SLC9A5: variants seen among roughly 807,000 people sequenced by gnomAD.
The protein encoded by SLC9A5 is sodium/hydrogen exchanger 5.
In SLC9A5, 52 loss-of-function variants were observed where a neutral mutation model predicts 91.7. The ratio of observed to expected loss-of-function variants is 0.57; its 90% CI spans 0.45 to 0.71. The LOEUF (loss-of-function observed/expected upper bound fraction) is 0.71, where lower values mean the gene tolerates loss of function less well. Among genes scored for constraint, SLC9A5 ranks in the 30% least tolerant of loss-of-function variants. The probability of loss-of-function intolerance (pLI) is 0.00; values close to 1 mark genes in which losing one functional copy is unlikely to be tolerated. For synonymous variants in SLC9A5, 419 were observed against 474.5 expected (o/e 0.88, Z 1.52); for missense variants, 871 against 1,158.9 (o/e 0.75, Z 3.61).
At position 67,255,328 on chromosome 16, in the gene SLC9A5, C is replaced by A; in HGVS notation, c.655-65C>A. 1.3e-6 allele frequency: 2 copies of A among 1,546,560 alleles called. No individual in the cohort carries two copies. Among genetic ancestry groups the A allele is most frequent in the South Asian group, 1.1e-5 (1 of 87,592 alleles). Reference sequence around the variant, plus strand: ...GCTTTCACCCTGCTCTCCCAGCAGTCTGTCTCCCAGCAGTCCCAGTTGCTG... The same window carrying A: ...GCTTTCACCCTGCTCTCCCAGCAGTATGTCTCCCAGCAGTCCCAGTTGCTG... On this transcript the variant is annotated intron_variant, in intron 3 of 15. Coordinates refer to ENST00000299798, the MANE Select transcript of SLC9A5 (RefSeq NM_004594.3). This position sits in a 1 kb window ranked among gnomAD's most constrained non-coding sequence, Gnocchi z 4.9.
In SLC9A5 at chr16:67,255,704, G is replaced by C; in HGVS notation, c.734-49G>C. On this transcript the variant is annotated intron_variant, in intron 4 of 15. Coordinates refer to ENST00000299798, the MANE Select transcript of SLC9A5 (RefSeq NM_004594.3). This position sits in a 1 kb window ranked among gnomAD's most constrained non-coding sequence, Gnocchi z 4.9. ...TGCCAGGCAGCAGTCTTGTCAGCCC[G>C]GGTAGGGTCCGGGCCAGGGGTCATG... 1 of 1,518,410 alleles carries C rather than the reference G, an allele frequency of 6.6e-7. No individual in the cohort carries two copies. The highest frequency in any genetic ancestry group is 8.9e-7 in the Non-Finnish European group (1 of 1,128,322). 94.1% of individuals were successfully genotyped at this position (1,518,410 alleles called of 1,614,324 possible).
chr16:67,249,282 T>C, intron 1 of SLC9A5, 81 bp downstream of exon 1: 3 of 1,175,788 alleles, frequency 2.6e-6, no homozygotes, highest in Non-Finnish European at 3.3e-6. Context: ...GGTCCTCAGA[T>C]TGGGGCTGGC....
chr16:67,251,240 T>G (rs2035105718), intron 1 of SLC9A5, among the ~76,000 whole-genome samples: 1 of 152,054 alleles, frequency 6.6e-6, no homozygotes, highest in Admixed American at 6.6e-5. Context: ...CAGTCCTGAG[T>G]GAGCCCATAT....
chr16:67,259,690 C>T (rs2035455648), intron 11 of SLC9A5, 29 bp downstream of exon 11: 2 of 1,605,532 alleles, frequency 1.2e-6, no homozygotes, highest in Non-Finnish European at 1.7e-6. Flanking sequence ...TCCCCTTCCT[C>T]ATACTCCTCT....
chr16:67,265,023 T>C lies in SLC9A5; in HGVS notation c.2014-17T>C, dbSNP rs771108645. 1.2e-6 allele frequency: 2 copies of C among 1,614,098 alleles called. No individual in the cohort carries two copies. The highest frequency in any genetic ancestry group is 1.7e-6 in the Non-Finnish European group (2 of 1,179,950). Reference sequence around the variant, plus strand: ...AAGCCGGGGCCAGAGGCTCAGGTTTTCTTTCTTGGTCCTCAGAAGGATGGT... The same window carrying C: ...AAGCCGGGGCCAGAGGCTCAGGTTTCCTTTCTTGGTCCTCAGAAGGATGGT... On this transcript the variant is annotated splice_polypyrimidine_tract_variant and intron_variant, in intron 13 of 15. Coordinates refer to ENST00000299798, the MANE Select transcript of SLC9A5 (RefSeq NM_004594.3).
rs777947027 is a variant in SLC9A5, at chr16:67,255,471, G to A, written c.733G>A (p.Ala245Thr). Residue 245 changes from alanine to threonine, a missense_variant and splice_region_variant, in exon 4 of 16, where the codon GCC becomes ACC. Ala to Thr is a moderately conservative substitution (Grantham distance 58). Transcript: ENST00000299798. This position sits in a 1 kb window ranked among gnomAD's most constrained non-coding sequence, Gnocchi z 4.9. ...VQATDYLKGV[A>T]SLFVVSLGGA... ...GGCCACTGACTACCTGAAGGGAGTC[G>A]GTCAGTATTTCCCCGCTCCCAGCTG... 6.2e-6 allele frequency: 10 copies of A among 1,613,624 alleles called. No homozygotes were observed. In the South Asian group the frequency reaches 7.7e-5, roughly 12 times the overall value.
At chr16:67,264,228 A>G in intron 12 of SLC9A5, 124 bp from the exon 13 acceptor site, 1 of 771,704 alleles carries the variant, frequency 1.3e-6, no homozygotes, top group South Asian at 1.8e-5. Context: ...TTTTCAATCC[A>G]TTGTTAATTC....
At chr16:67,261,570 T>A (rs1323299907) in intron 12 of SLC9A5, 1 of 152,220 alleles carries the variant, frequency 6.6e-6, no homozygotes, top group Non-Finnish European at 1.5e-5. Flanking sequence ...TTACATCCAG[T>A]CAGTATTCAA....
Position 67,255,228 on chromosome 16 carries a change from A to C in SLC9A5, c.654+44A>C. 6.3e-7 allele frequency: 1 copy of C among 1,597,976 alleles called. No homozygotes were observed. The highest frequency in any genetic ancestry group is 8.5e-7 in the Non-Finnish European group (1 of 1,169,734). ...CTGCCATTCCCTGACCCCAGGCTGC[A>C]TGCTCTGACCAACTAGGGGTCTGCG... On this transcript the variant is annotated intron_variant, in intron 3 of 15. Transcript: ENST00000299798. The surrounding 1 kb of genome is among the most constrained non-coding windows in gnomAD (Gnocchi z 4.9).
At chr16:67,253,923 G>T (rs1281357435) in intron 2 of SLC9A5, among the ~76,000 whole-genome samples, 1 of 152,158 alleles carries the variant, frequency 6.6e-6, no homozygotes, top group East Asian at 1.9e-4. Flanking sequence ...GAAGGTTAAT[G>T]ATTCACACTT....
In SLC9A5 at chr16:67,256,324, A is replaced by G; in HGVS notation, c.912-145A>G. On this transcript the variant is annotated intron_variant, in intron 5 of 15. Transcript: ENST00000299798. This position sits in a 1 kb window ranked among gnomAD's most constrained non-coding sequence, Gnocchi z 4.1. ...GACTCTTAGCCCAGCACTACCATTC[A>G]AGTCTTCAGGCCTCCCTGGGCTTCA... The G allele has an allele frequency of 1.6e-6, 1 of 643,168 alleles. No homozygotes were observed. Among genetic ancestry groups the G allele is most frequent in the Non-Finnish European group, 2.8e-6 (1 of 362,882 alleles). The allele number at this position is 643,168 out of a possible 1,614,324, so 39.8% of individuals were successfully genotyped here.
In SLC9A5 at chr16:67,256,320, A is replaced by C. The variant is rs2035315974; in HGVS notation, c.912-149A>C. ...TCTGGACTCTTAGCCCAGCACTACC[A>C]TTCAAGTCTTCAGGCCTCCCTGGGC... On this transcript the variant is annotated intron_variant, in intron 5 of 15. Transcript: ENST00000299798. This position sits in a 1 kb window ranked among gnomAD's most constrained non-coding sequence, Gnocchi z 4.1. The C allele has an allele frequency of 1.2e-5, 8 of 640,786 alleles. No individual in the cohort carries two copies. In the South Asian group the frequency reaches 1.5e-4, roughly 12 times the overall value. The allele number at this position is 640,786 out of a possible 1,614,324, so 39.7% of individuals were successfully genotyped here. A position where few individuals can be genotyped will look rare whatever the true frequency, so the allele number is the denominator to read the frequency against.
chr16:67,264,602 A>G (rs1380808235), intron 13 of SLC9A5, 80 bp downstream of exon 13: 30 of 1,449,596 alleles, frequency 2.1e-5, no homozygotes, highest in Non-Finnish European at 2.8e-5. Context: ...GTTAGGATCC[A>G]GCTTAGGGGG....
Position 67,256,451 on chromosome 16 carries a change from CT to C in SLC9A5, c.912-17del. The stretch of plus-strand genomic sequence containing the variant: ...TGGAACCCTTCCCCACTTGCCATGT[CT>C]CTCCATCCTCTCCCAGGGTGACCAT... On this transcript the variant is annotated splice_polypyrimidine_tract_variant and intron_variant, in intron 5 of 15. Transcript: ENST00000299798. This position sits in a 1 kb window ranked among gnomAD's most constrained non-coding sequence, Gnocchi z 4.1. 2 of 1,583,820 alleles carry C rather than the reference CT, an allele frequency of 1.3e-6. No individual in the cohort carries two copies. The highest frequency in any genetic ancestry group is 1.7e-6 in the Non-Finnish European group (2 of 1,160,808).
rs1460479365 is a variant in SLC9A5 at position 67,252,167 on chromosome 16, T to TG, written c.188-373dup. Among the ~76,000 whole-genome samples, 1 of 151,896 alleles carries TG rather than the reference T, an allele frequency of 6.6e-6. No homozygotes were observed. Among genetic ancestry groups the TG allele is most frequent in the African/African-American group, 2.4e-5 (1 of 41,348 alleles). On this transcript the variant is annotated intron_variant, in intron 1 of 15. Transcript: ENST00000299798. This position sits in a 1 kb window ranked among gnomAD's most constrained non-coding sequence, Gnocchi z 4.0. ...TCCCTTGGTCCCAGTCTTAGAAGGT[T>TG]GGCCAGGCGCGGTGGCTCACACCTG... is the stretch of plus-strand genomic sequence containing the variant.
chr16:67,265,393 CTG>C (rs752002264), intron 14 of SLC9A5, among the ~76,000 whole-genome samples: 2 of 152,104 alleles, frequency 1.3e-5, no homozygotes, highest in Admixed American at 6.6e-5. Flanking sequence ...TGGGTGGACT[CTG>C]GGGCCCAGTG....
At chr16:67,254,869 C>A in intron 2 of SLC9A5, 152 bp from the exon 3 acceptor site, 1 of 674,082 alleles carries the variant, frequency 1.5e-6, no homozygotes, top group Non-Finnish European at 2.5e-6. Context: ...GTCTCCTGAT[C>A]TGCAGGCTAA....
At position 67,257,081 on chromosome 16, in the gene SLC9A5, A is replaced by G; in HGVS notation, c.1303A>G (p.Ile435Val). 1 of 1,612,294 alleles carries G rather than the reference A, an allele frequency of 6.2e-7. No homozygotes were observed. Among genetic ancestry groups the G allele is most frequent in the Middle Eastern group, 1.7e-4 (1 of 6,060 alleles). Residue 435 changes from isoleucine (I) to valine (V), a missense_variant, in exon 7 of 16, where the codon ATT (isoleucine) becomes GTT (valine). By Grantham distance (29) the Ile-to-Val change is conservative. Around this residue, in one of 3 missense-constraint regions of SLC9A5, gnomAD observed 454 missense variants for 718.3 expected, o/e 0.63. Coordinates refer to ENST00000299798, the MANE Select transcript of SLC9A5 (RefSeq NM_004594.3). The surrounding 1 kb of genome is among the most constrained non-coding windows in gnomAD (Gnocchi z 5.1). ...PAKDYFVATT[I>V]VVVFFTVIVQ... ...CAAGGACTACTTTGTAGCCACCACT[A>G]TTGTAGTGGTCTTCTTCACAGTCAT...
chr16:67,268,009 T>C (rs777027830), intron 15 of SLC9A5, among the ~76,000 whole-genome samples: 1 of 152,070 alleles, frequency 6.6e-6, no homozygotes, highest in Non-Finnish European at 1.5e-5. Context: ...CTCTAAAATA[T>C]AAGGATTCTT....
Sources: allele counts gnomAD v4.1 joint callset (sites outside exome capture counted in the v4.1 genomes callset), GRCh38; gene constraint gnomAD v4.1.1; regional missense constraint gnomAD v4.1.1; non-coding constraint Gnocchi (gnomAD v3.1); transcripts MANE v1.5; gene names NCBI Gene and HGNC (gene_info 2026-07-23, HGNC 2026-07-21).